Variants in FUT9 observed in about 807,000 individuals in gnomAD.
FUT9 encodes fucosyltransferase 9, also known as 4-galactosyl-N-acetylglucosaminide 3-alpha-L-fucosyltransferase 9.
A neutral mutation model predicts 29.7 loss-of-function variants in FUT9; 15 were observed. The ratio of observed to expected loss-of-function variants is 0.51; its 90% CI spans 0.34 to 0.78. The LOEUF (loss-of-function observed/expected upper bound fraction) is 0.78. Among genes scored for constraint, FUT9 ranks in the 30% least tolerant of loss-of-function variants. FUT9 has a pLI of 0.01. For missense variants in FUT9, 319 were observed against 425.4 expected, an observed-to-expected ratio of 0.75 and a Z score of 2.20; for synonymous variants, 169 against 153.7, an observed-to-expected ratio of 1.10 and a Z score of -0.74.
chr6:96,035,780 AATTT>A (rs1171535065), intron 1 of FUT9, among the ~76,000 whole-genome samples: 46 of 123,402 alleles, frequency 3.7e-4, no homozygotes, highest in African/African-American at 1.2e-3. Flanking sequence ...AATATAATAT[AATTT>A]ATTTATTATA....
intron 2 of FUT9, among the ~76,000 whole-genome samples, chr6:96,122,873 C>G (rs564999633): frequency 6.6e-6 from 1 of 151,762 alleles, no homozygotes; most frequent in Admixed American, 6.6e-5. Flanking sequence ...GGTGAAACCC[C>G]GTCTCTACTA....
intron 1 of FUT9, among the ~76,000 whole-genome samples, chr6:96,074,239 G>A (rs1297298107): frequency 2.6e-5 from 4 of 152,084 alleles, no homozygotes; most frequent in East Asian, 1.9e-4. Context: ...TAGCACAGCC[G>A]TTTACATAAA....
intron 1 of FUT9, among the ~76,000 whole-genome samples, chr6:96,076,579 G>C (rs1049793740): frequency 6.6e-6 from 1 of 152,116 alleles, no homozygotes; most frequent in Non-Finnish European, 1.5e-5. Context: ...AAATGGAACT[G>C]CTGAGAACAA....
At chr6:96,089,465 G>A (rs1306346727) in intron 1 of FUT9, among the ~76,000 whole-genome samples, 1 of 152,148 alleles carries the variant, frequency 6.6e-6, no homozygotes, top group African/African-American at 2.4e-5. Context: ...CAAAGAACGT[G>A]TGCTGCCAGA....
chr6:96,095,128 A>G (rs1202890959), intron 1 of FUT9, among the ~76,000 whole-genome samples: 1 of 152,064 alleles, frequency 6.6e-6, no homozygotes, highest in Non-Finnish European at 1.5e-5. Flanking sequence ...GAAGCCATCT[A>G]TTAACCCTTC....
intron 1 of FUT9, among the ~76,000 whole-genome samples, chr6:96,100,229 C>G (rs894183071): frequency 1.2e-5 from 1 of 84,386 alleles, no homozygotes. Flanking sequence ...ACACACACAC[C>G]AACACACACA....
At chr6:96,143,192 A>C (rs1582263919) in intron 2 of FUT9, among the ~76,000 whole-genome samples, 1 of 152,312 alleles carries the variant, frequency 6.6e-6, no homozygotes, top group East Asian at 1.9e-4. Flanking sequence ...GAGCCCTTAT[A>C]AAAGAAGCTC....
At chr6:96,196,431 G>A (rs1773625598) in intron 2 of FUT9, among the ~76,000 whole-genome samples, 1 of 152,016 alleles carries the variant, frequency 6.6e-6, no homozygotes, top group African/African-American at 2.4e-5. Flanking sequence ...AAACAAAGGA[G>A]GGACGGGCGC....
Position 96,086,499 on chromosome 6 carries a change from A to G in FUT9, c.-97-27540A>G, listed in dbSNP as rs1771319280. ...TCATCTTTAAATTATACTATATGTA[A>G]TGCTTAAGAAATACTTCCCCATCTT... On this transcript the variant is annotated intron_variant, in intron 1 of 2. Coordinates refer to ENST00000302103, the MANE Select transcript of FUT9 (RefSeq NM_006581.4). Among the ~76,000 whole-genome samples the G allele has an allele frequency of 2.0e-5, 3 of 152,290 alleles. No individual in the cohort carries two copies. The South Asian group carries it at 6.2e-4, about 32-fold the overall frequency.
intron 1 of FUT9, among the ~76,000 whole-genome samples, chr6:96,085,678 C>G (rs1771304693): frequency 6.6e-6 from 1 of 152,160 alleles, no homozygotes; most frequent in Non-Finnish European, 1.5e-5. Flanking sequence ...AGGTTCTCAA[C>G]ACATCATAAA....
intron 2 of FUT9, among the ~76,000 whole-genome samples, chr6:96,154,983 G>A (rs1375578213): frequency 2.0e-5 from 3 of 152,168 alleles, no homozygotes; most frequent in Admixed American, 6.5e-5. Flanking sequence ...AGGAGGCAAT[G>A]ACAGTCCCTG....
At chr6:96,124,513 GT>G (rs1160192566) in intron 2 of FUT9, among the ~76,000 whole-genome samples, 2 of 151,686 alleles carry the variant, frequency 1.3e-5, no homozygotes, top group Admixed American at 1.3e-4. Flanking sequence ...TTTTATTTTT[GT>G]TTTTTTGTTT....
chr6:96,033,210 C>A (rs1770293989), intron 1 of FUT9, among the ~76,000 whole-genome samples: 1 of 151,652 alleles, frequency 6.6e-6, no homozygotes, highest in Non-Finnish European at 1.5e-5. Context: ...TCAGTAGTTT[C>A]ATAACCACTG....
chr6:96,169,077 C>A (rs1418200983), intron 2 of FUT9, among the ~76,000 whole-genome samples: 4 of 152,122 alleles, frequency 2.6e-5, no homozygotes. Context: ...ACATGCCCAG[C>A]AACTGGGGAA....
At chr6:96,164,924 A>G (rs1028525838) in intron 2 of FUT9, among the ~76,000 whole-genome samples, 1 of 152,214 alleles carries the variant, frequency 6.6e-6, no homozygotes, top group Admixed American at 6.5e-5. Context: ...TGGTTTCTGT[A>G]TGAGACAGTG....
intron 1 of FUT9, among the ~76,000 whole-genome samples, chr6:96,073,508 C>T (rs185987301): frequency 9.3e-5 from 14 of 149,734 alleles, no homozygotes; most frequent in East Asian, 3.9e-4. Flanking sequence ...AAACATGCAA[C>T]GCAAGTAAAG....
intron 2 of FUT9, among the ~76,000 whole-genome samples, chr6:96,144,796 G>T (rs1408259086): frequency 6.6e-6 from 1 of 151,952 alleles, no homozygotes; most frequent in Non-Finnish European, 1.5e-5. Flanking sequence ...AAACTGAAAG[G>T]AATCTAAAGA....
chr6:96,126,654 C>T (rs1253909263), intron 2 of FUT9, among the ~76,000 whole-genome samples: 3 of 152,204 alleles, frequency 2.0e-5, no homozygotes, highest in East Asian at 1.9e-4. Flanking sequence ...TCTGCCTCTG[C>T]GTCAGACTAA....
chr6:96,179,385 C>T (rs908796211), intron 2 of FUT9, among the ~76,000 whole-genome samples: 1 of 152,024 alleles, frequency 6.6e-6, no homozygotes, highest in Non-Finnish European at 1.5e-5. Flanking sequence ...GAAACACAGG[C>T]AAATCAATTA....
Sources: allele counts gnomAD v4.1 joint callset (sites outside exome capture counted in the v4.1 genomes callset), GRCh38; gene constraint gnomAD v4.1.1; transcripts MANE v1.5; gene names NCBI Gene and HGNC (gene_info 2026-07-23, HGNC 2026-07-21).